EPS15: variants seen among roughly 807,000 people sequenced by gnomAD.
EPS15 encodes the protein epidermal growth factor receptor substrate 15.
A neutral mutation model predicts 113.8 loss-of-function variants in EPS15; 72 were observed. That is an observed-to-expected ratio of 0.63 (90% CI 0.52 to 0.77). EPS15 has a LOEUF of 0.77. EPS15 is among the 30% of genes least tolerant of loss of function. The pLI is 0.00. For synonymous variants in EPS15, 344 were observed against 363.4 expected (o/e 0.95, Z 0.61); for missense variants, 1,048 against 1,045.8 (o/e 1.00, Z -0.03).
chr1:51,389,031 A>G (rs1647182479), intron 21 of EPS15, among the ~76,000 whole-genome samples: 1 of 152,218 alleles, frequency 6.6e-6, no homozygotes, highest in South Asian at 2.1e-4. Context: ...AGAATTTTAG[A>G]CCAATATCCT....
chr1:51,492,465 G>A (rs1358039973), intron 1 of EPS15, among the ~76,000 whole-genome samples: 3 of 152,044 alleles, frequency 2.0e-5, no homozygotes, highest in African/African-American at 7.2e-5. Context: ...AGAAGAAAGG[G>A]ACTTTAGAAT....
chr1:51,381,555 T>C (rs1646942425), intron 21 of EPS15, among the ~76,000 whole-genome samples: 1 of 152,164 alleles, frequency 6.6e-6, no homozygotes, highest in Admixed American at 6.5e-5. Flanking sequence ...ATCGCGCCAT[T>C]GCACCCCAGC....
intron 13 of EPS15, among the ~76,000 whole-genome samples, chr1:51,412,443 T>C (rs978240687): frequency 6.6e-6 from 1 of 152,254 alleles, no homozygotes; most frequent in African/African-American, 2.4e-5. Context: ...AATTATTTAC[T>C]ATAATTTATT....
At chr1:51,457,802 C>A (rs1055769155) in intron 8 of EPS15, 4 of 151,986 alleles carry the variant, frequency 2.6e-5, no homozygotes, top group African/African-American at 9.7e-5. Context: ...TAGGGATGCT[C>A]AACCTGTATT....
chr1:51,435,982 T>C (rs1652119131), intron 12 of EPS15, among the ~76,000 whole-genome samples: 1 of 152,156 alleles, frequency 6.6e-6, no homozygotes, highest in Non-Finnish European at 1.5e-5. Context: ...AGAATAAAAG[T>C]GGTGGTATGT....
chr1:51,368,892 G>A (rs928196098), intron 21 of EPS15, among the ~76,000 whole-genome samples: 11 of 152,054 alleles, frequency 7.2e-5, no homozygotes, highest in South Asian at 2.1e-4. Context: ...CCACGTGCCC[G>A]GCTCCTGTTA....
chr1:51,424,766 G>A (rs993285959), intron 12 of EPS15, among the ~76,000 whole-genome samples: 6 of 151,976 alleles, frequency 3.9e-5, no homozygotes, highest in African/African-American at 1.5e-4. Flanking sequence ...AGCTGGGTGT[G>A]GTCTCGCACA....
chr1:51,450,464 TGAG>T (rs1474005301), intron 8 of EPS15, among the ~76,000 whole-genome samples: 4 of 151,822 alleles, frequency 2.6e-5, no homozygotes, highest in African/African-American at 9.7e-5. Context: ...AGAGCAAACC[TGAG>T]TTGTAAGCCA....
intron 20 of EPS15, among the ~76,000 whole-genome samples, chr1:51,397,679 A>T (rs750961290): frequency 5.3e-5 from 8 of 152,214 alleles, no homozygotes; most frequent in Non-Finnish European, 8.8e-5. Context: ...TATTCAATGG[A>T]AAACACCAGT....
In EPS15 at chr1:51,391,619, A is replaced by C. The variant is rs145822107; in HGVS notation, c.2119+2762T>G. On this transcript the variant is annotated intron_variant, in intron 21 of 24. Coordinates refer to ENST00000371733, the MANE Select transcript of EPS15 (RefSeq NM_001981.3). ...GTCTGTTGTTTGAGCAGCAGCAAGA[A>C]GACCAGTGTGGCTGGAGCAGAGTGA... Among the ~76,000 whole-genome samples, 886 of 152,290 alleles carry C rather than the reference A, an allele frequency of 5.8e-3. 9 individuals are homozygous for C. Among genetic ancestry groups the C allele is most frequent in the Non-Finnish European group, 9.4e-3 (636 of 68,018 alleles).
chr1:51,388,687 C>G (rs1647164823), intron 21 of EPS15, among the ~76,000 whole-genome samples: 1 of 152,156 alleles, frequency 6.6e-6, no homozygotes, highest in South Asian at 2.1e-4. Flanking sequence ...ATACTACAAA[C>G]ACCTCTATGC....
intron 3 of EPS15, 51 bp from the exon 4 acceptor site, chr1:51,471,788 C>A: frequency 1.6e-6 from 2 of 1,278,938 alleles, no homozygotes; most frequent in Non-Finnish European, 2.3e-6. Flanking sequence ...CAAAAGTCAT[C>A]TGAATGATAA....
At chr1:51,391,841 T>C (rs974142657) in intron 21 of EPS15, among the ~76,000 whole-genome samples, 1 of 152,148 alleles carries the variant, frequency 6.6e-6, no homozygotes, top group African/African-American at 2.4e-5. Context: ...ATGTCGAAGG[T>C]GCCAAGAAAA....
rs141738278 is a variant in EPS15, at chr1:51,425,784, T to A, written c.1041-3926A>T. On this transcript the variant is annotated intron_variant, in intron 12 of 24. Coordinates refer to ENST00000371733, the MANE Select transcript of EPS15 (RefSeq NM_001981.3). ...TGTGGATGTTAATATCTCTATCATC[T>A]TAGGATTTGCAAGGCAAAATATGTA... Among the ~76,000 whole-genome samples the A allele has an allele frequency of 3.9e-3, 588 of 152,344 alleles. 1 individual carries two copies. The highest frequency in any genetic ancestry group is 6.2e-3 in the Non-Finnish European group (425 of 68,034).
intron 1 of EPS15, among the ~76,000 whole-genome samples, chr1:51,500,213 T>C (rs1030248622): frequency 6.6e-6 from 1 of 152,236 alleles, no homozygotes; most frequent in Non-Finnish European, 1.5e-5. Context: ...ACTTGAGTTA[T>C]TTCTACCTTT....
Position 51,409,515 on chromosome 1 carries a change from A to C in EPS15, c.1275+20T>G. 6.3e-7 allele frequency: 1 copy of C among 1,595,548 alleles called. No homozygotes were observed. The highest frequency in any genetic ancestry group is 8.5e-7 in the Non-Finnish European group (1 of 1,174,342). ...CAACTAATGTATAGGTGCAGGCAGC[A>C]GGAAACAGCCAGACATTACCAGTTG... On this transcript the variant is annotated intron_variant, in intron 14 of 24. Transcript: ENST00000371733.
intron 13 of EPS15, among the ~76,000 whole-genome samples, chr1:51,419,964 T>C (rs1277953111): frequency 1.3e-5 from 2 of 152,146 alleles, no homozygotes; most frequent in Non-Finnish European, 2.9e-5. Flanking sequence ...ATAACTGTAG[T>C]GTATAATGAA....
intron 21 of EPS15, among the ~76,000 whole-genome samples, chr1:51,374,502 G>C (rs1646738033): frequency 6.6e-6 from 1 of 152,038 alleles, no homozygotes; most frequent in Admixed American, 6.6e-5. Context: ...TACTCGGGAG[G>C]GTGAGGCAGG....
intron 21 of EPS15, chr1:51,372,565 C>A (rs1040978891): frequency 1.9e-6 from 1 of 525,858 alleles, no homozygotes; most frequent in African/African-American, 1.9e-5. Context: ...CTAAACTACA[C>A]AAGAGTAACA....
Sources: allele counts gnomAD v4.1 joint callset (sites outside exome capture counted in the v4.1 genomes callset), GRCh38; gene constraint gnomAD v4.1.1; transcripts MANE v1.5; gene names NCBI Gene and HGNC (gene_info 2026-07-23, HGNC 2026-07-21).